Variants in ADAMTS3 observed in about 807,000 individuals in gnomAD.
ADAMTS3 encodes A disintegrin and metalloproteinase with thrombospondin motifs 3.
ADAMTS3 carries 73 observed loss-of-function variants against 129.0 expected under a neutral mutation model. That is an observed-to-expected ratio of 0.57 (90% CI 0.47 to 0.69). ADAMTS3 has a LOEUF of 0.69. Ranked by LOEUF, ADAMTS3 falls within the 30% of genes least tolerant of loss-of-function variation. The pLI is 0.00. For synonymous variants in ADAMTS3, 477 were observed against 510.8 expected (o/e 0.93, Z 0.89); for missense variants, 1,457 against 1,514.5 (o/e 0.96, Z 0.63).
Position 72,281,325 on chromosome 4 carries a change from A to G in ADAMTS3, c.*1811T>C, listed in dbSNP as rs951511881. ...AATTCTTTAGAGGTATAGAGTCAAT[A>G]GTTTAAGCTGTTAGTTTACAACGAT... On this transcript the variant is annotated 3_prime_UTR_variant, in exon 22 of 22. Coordinates refer to ENST00000286657, the MANE Select transcript of ADAMTS3 (RefSeq NM_014243.3). 2.0e-5 allele frequency: 3 copies of G among 152,738 alleles called. No homozygotes were observed. In the East Asian group the frequency reaches 5.8e-4, roughly 30 times the overall value. 9.5% of individuals were successfully genotyped at this position (152,738 alleles called of 1,614,324 possible).
intron 5 of ADAMTS3, among the ~76,000 whole-genome samples, chr4:72,333,353 GTTCAAGCTAAAAAAAC>G (rs1261388965): frequency 1.3e-5 from 2 of 151,990 alleles, no homozygotes; most frequent in Non-Finnish European, 2.9e-5. Flanking sequence ...CAAACAGAAT[GTTCAAGCTAAAAAAAC>G]GTATAAATTA....
At chr4:72,329,601 TTGTTGTTGC>T (rs1306186257) in intron 5 of ADAMTS3, among the ~76,000 whole-genome samples, 6 of 152,144 alleles carry the variant, frequency 3.9e-5, no homozygotes, top group African/African-American at 1.2e-4. Flanking sequence ...TTGTGTTTTG[TTGTTGTTGC>T]TGTTGTTGCT....
chr4:72,518,268 A>T (rs535253207), intron 3 of ADAMTS3, among the ~76,000 whole-genome samples: 1 of 152,124 alleles, frequency 6.6e-6, no homozygotes, highest in Non-Finnish European at 1.5e-5. Context: ...TATGTGGTCA[A>T]TTTTGGAATA....
At chr4:72,300,208 C>T (rs1161569342) in intron 17 of ADAMTS3, among the ~76,000 whole-genome samples, 1 of 152,008 alleles carries the variant, frequency 6.6e-6, no homozygotes, top group Non-Finnish European at 1.5e-5. Flanking sequence ...GACAGCCTAG[C>T]CACCATGTTC....
chr4:72,288,495 T>C (rs1173160463), intron 21 of ADAMTS3, among the ~76,000 whole-genome samples: 3 of 152,190 alleles, frequency 2.0e-5, no homozygotes, highest in Non-Finnish European at 1.5e-5. Flanking sequence ...ACGTTACATA[T>C]ACATGGCACA....
chr4:72,528,573 G>GA (rs2109753559), intron 3 of ADAMTS3, among the ~76,000 whole-genome samples: 1 of 148,898 alleles, frequency 6.7e-6, no homozygotes, highest in East Asian at 2.0e-4. Context: ...GCTTGTACGT[G>GA]AAAGTAGATG....
At chr4:72,464,850 C>A (rs183523327) in intron 3 of ADAMTS3, among the ~76,000 whole-genome samples, 1 of 151,990 alleles carries the variant, frequency 6.6e-6, no homozygotes, top group South Asian at 2.1e-4. Context: ...AAGTTTCAGG[C>A]GTTTGTGTGT....
At chr4:72,305,435 A>C (rs1291593075) in intron 16 of ADAMTS3, among the ~76,000 whole-genome samples, 3 of 152,066 alleles carry the variant, frequency 2.0e-5, no homozygotes, top group Non-Finnish European at 4.4e-5. Flanking sequence ...ATCAGAACTT[A>C]TTTGTAAACA....
intron 4 of ADAMTS3, among the ~76,000 whole-genome samples, chr4:72,385,146 C>G (rs1395993803): frequency 1.3e-5 from 2 of 151,574 alleles, no homozygotes; most frequent in Admixed American, 1.3e-4. Context: ...TGCCACTGCA[C>G]TCCAGCCTGG....
At chr4:72,373,531 A>G (rs1482740725) in intron 4 of ADAMTS3, among the ~76,000 whole-genome samples, 1 of 152,182 alleles carries the variant, frequency 6.6e-6, no homozygotes, top group African/African-American at 2.4e-5. Flanking sequence ...GACACAAAAG[A>G]TCACATACTA....
chr4:72,530,619 T>G (rs1318631456), intron 3 of ADAMTS3, among the ~76,000 whole-genome samples: 3 of 86,044 alleles, frequency 3.5e-5, no homozygotes, highest in African/African-American at 1.4e-4. Flanking sequence ...TATTATATAA[T>G]ATATATTATT....
At chr4:72,291,178 A>T in intron 19 of ADAMTS3, 116 bp from the exon 20 acceptor site, 1 of 1,014,080 alleles carries the variant, frequency 9.9e-7, no homozygotes. Context: ...TAGTGGGCAC[A>T]CTGCAGTTCA....
At chr4:72,359,783 T>G (rs1335426681) in intron 4 of ADAMTS3, among the ~76,000 whole-genome samples, 2 of 152,122 alleles carry the variant, frequency 1.3e-5, no homozygotes, top group African/African-American at 4.8e-5. Context: ...GAATACACAT[T>G]ACCATTTAAT....
At chr4:72,355,946 C>T (rs1028418843) in intron 4 of ADAMTS3, among the ~76,000 whole-genome samples, 2 of 151,928 alleles carry the variant, frequency 1.3e-5, no homozygotes, top group African/African-American at 4.8e-5. Context: ...ATGGACACTC[C>T]ATGATACTGC....
intron 4 of ADAMTS3, among the ~76,000 whole-genome samples, chr4:72,372,384 G>GA (rs539549354): frequency 1.4e-3 from 215 of 151,984 alleles, no homozygotes; most frequent in African/African-American, 4.9e-3. Flanking sequence ...TATAAGGAAT[G>GA]AAAAAACCAA....
rs1299000248 is a variant in ADAMTS3, at chr4:72,507,035, C to A, written c.504+41443G>T. ...TGTAGTGTACCACTCCATATATCAA[C>A]AAGAATAGTGAATGAAGGAAAAAGT... On this transcript the variant is annotated intron_variant, in intron 3 of 21. Transcript: ENST00000286657. 9.9e-5 allele frequency among the ~76,000 whole-genome samples: 15 copies of A among 152,204 alleles called. 1 individual carries two copies. In the East Asian group the frequency reaches 2.7e-3, roughly 27 times the overall value.
chr4:72,316,461 G>A (rs1344883066), intron 10 of ADAMTS3, among the ~76,000 whole-genome samples: 1 of 152,030 alleles, frequency 6.6e-6, no homozygotes, highest in Non-Finnish European at 1.5e-5. Context: ...TGAGATGGGT[G>A]GATCACCTGA....
intron 3 of ADAMTS3, among the ~76,000 whole-genome samples, chr4:72,466,700 G>A (rs978140419): frequency 6.6e-6 from 1 of 151,886 alleles, no homozygotes; most frequent in African/African-American, 2.4e-5. Context: ...AATGTTATTT[G>A]CCCAAGTTCT....
At chr4:72,566,311 C>G (rs1722019054) in intron 2 of ADAMTS3, among the ~76,000 whole-genome samples, 2 of 152,172 alleles carry the variant, frequency 1.3e-5, no homozygotes, top group East Asian at 3.9e-4. Context: ...GTGTGAATCT[C>G]CACTGTGTAC....
Sources: gnomAD v4.1 joint callset for allele counts (sites outside exome capture counted in the v4.1 genomes callset) on GRCh38, gnomAD v4.1.1 for gene constraint, MANE v1.5 for transcripts, NCBI Gene and HGNC (gene_info 2026-07-23, HGNC 2026-07-21) for gene names.